The following ENOX1 variants were observed in gnomAD, a reference collection of about 807,000 sequenced individuals.
ENOX1 encodes the protein candidate growth-related and time keeping constitutive hydroquinone (NADH) oxidase.
In ENOX1, 42 loss-of-function variants were observed where a neutral mutation model predicts 82.5. That is an observed-to-expected ratio of 0.51 (90% CI 0.40 to 0.66). ENOX1 has a LOEUF of 0.66. Among genes scored for constraint, ENOX1 ranks in the 30% least tolerant of loss-of-function variants. The pLI, the probability that ENOX1 is intolerant of heterozygous loss-of-function variation, is 0.00. For missense variants in ENOX1, 608 were observed against 811.6 expected, an observed-to-expected ratio of 0.75 and a Z score of 3.05; for synonymous variants, 271 against 282.2, an observed-to-expected ratio of 0.96 and a Z score of 0.40.
At chr13:43,586,880 T>G (rs1321314595) in intron 2 of ENOX1, among the ~76,000 whole-genome samples, 1 of 148,356 alleles carries the variant, frequency 6.7e-6, no homozygotes, top group African/African-American at 2.5e-5. Context: ...CTGGACAACA[T>G]GGTGAAACCC....
At position 43,359,836 on chromosome 13, in the gene ENOX1, T is replaced by C; in HGVS notation, c.589+15A>G. ...AACAAAATGCCTAGAAAACTCCTTA[T>C]GTAATGCAAAGTACCAGAAAGGTAA... On this transcript the variant is annotated intron_variant, in intron 7 of 16. Coordinates refer to ENST00000690772, the MANE Select transcript of ENOX1 (RefSeq NM_001347969.2). 1 of 1,611,446 alleles carries C rather than the reference T, an allele frequency of 6.2e-7. No individual in the cohort carries two copies. The highest frequency in any genetic ancestry group is 8.5e-7 in the Non-Finnish European group (1 of 1,177,676).
intron 2 of ENOX1, among the ~76,000 whole-genome samples, chr13:43,663,141 A>G (rs926607013): frequency 2.6e-5 from 4 of 152,228 alleles, no homozygotes; most frequent in Admixed American, 2.6e-4. Flanking sequence ...ACAAGGGTGA[A>G]GCAGTGAGAC....
intron 1 of ENOX1, among the ~76,000 whole-genome samples, chr13:43,772,749 T>TAAAAAAAAAA (rs35359203): frequency 5.4e-5 from 6 of 112,100 alleles, no homozygotes; most frequent in Admixed American, 9.3e-5. Context: ...ACTCTGTCTT[T>TAAAAAAAAAA]AAAAAAAAAA....
chr13:43,608,265 A>G (rs2082054411), intron 2 of ENOX1, among the ~76,000 whole-genome samples: 1 of 152,162 alleles, frequency 6.6e-6, no homozygotes, highest in Non-Finnish European at 1.5e-5. Context: ...TTTAAACAAT[A>G]TGATATGACT....
chr13:43,447,546 T>C (rs1162035699), intron 3 of ENOX1, among the ~76,000 whole-genome samples: 3 of 152,026 alleles, frequency 2.0e-5, no homozygotes, highest in African/African-American at 7.2e-5. Flanking sequence ...ACTGGAATTC[T>C]CTGGACCTTT....
chr13:43,740,467 T>G (rs1409188492), intron 1 of ENOX1, among the ~76,000 whole-genome samples: 1 of 148,104 alleles, frequency 6.8e-6, no homozygotes, highest in Non-Finnish European at 1.5e-5. Flanking sequence ...CAGACAACTT[T>G]AAAACATTTT....
intron 9 of ENOX1, among the ~76,000 whole-genome samples, chr13:43,326,758 AG>A (rs963495131): frequency 2.0e-5 from 3 of 152,212 alleles, no homozygotes. Flanking sequence ...GACCGGGAGA[AG>A]GGCAAGGGCA....
intron 3 of ENOX1, among the ~76,000 whole-genome samples, chr13:43,467,698 C>T (rs2057797680): frequency 6.6e-6 from 1 of 152,036 alleles, no homozygotes; most frequent in Admixed American, 6.5e-5. Flanking sequence ...TTTTGCTGTA[C>T]ATGCTTTTGG....
chr13:43,229,466 G>A (rs2153455217), intron 15 of ENOX1, among the ~76,000 whole-genome samples: 1 of 152,306 alleles, frequency 6.6e-6, no homozygotes, highest in East Asian at 1.9e-4. Context: ...CTGGGCTGGA[G>A]AGTGGCACAT....
In ENOX1 at chr13:43,415,279, TG is replaced by T. The variant is rs2054395232; in HGVS notation, c.-74-2292del. Reference sequence around the variant, plus strand: ...TTTTTTAGTATTTATTGATCATTCTTGGGTGTTTCTCGGAGAGGGGGATGTG... The same window carrying T: ...TTTTTTAGTATTTATTGATCATTCTTGGTGTTTCTCGGAGAGGGGGATGTG... On this transcript the variant is annotated intron_variant, in intron 3 of 16. Transcript: ENST00000690772. 2.0e-5 allele frequency among the ~76,000 whole-genome samples: 3 copies of T among 147,014 alleles called. No homozygotes were observed. In the South Asian group the frequency reaches 6.8e-4, roughly 33 times the overall value.
chr13:43,580,961 T>A (rs530726490), intron 2 of ENOX1, among the ~76,000 whole-genome samples: 1 of 152,156 alleles, frequency 6.6e-6, no homozygotes. Context: ...CAGGTGGTAA[T>A]GAAAGTTAGG....
chr13:43,270,252 C>T (rs925618442), intron 12 of ENOX1, among the ~76,000 whole-genome samples: 3 of 152,092 alleles, frequency 2.0e-5, no homozygotes, highest in South Asian at 4.2e-4. Context: ...CACAGCGCTG[C>T]GCAGTGCGAA....
chr13:43,261,261 G>C (rs548207565), intron 14 of ENOX1, among the ~76,000 whole-genome samples: 4 of 152,078 alleles, frequency 2.6e-5, no homozygotes, highest in Non-Finnish European at 5.9e-5. Context: ...GACAAATGAG[G>C]AAATACAAGA....
At chr13:43,338,475 A>T (rs1307330008) in intron 9 of ENOX1, among the ~76,000 whole-genome samples, 6 of 151,598 alleles carry the variant, frequency 4.0e-5, no homozygotes, top group Admixed American at 3.3e-4. Context: ...CCTGTTCCGA[A>T]TTTTTTTTTC....
At chr13:43,698,582 CAT>C (rs774345631) in intron 1 of ENOX1, among the ~76,000 whole-genome samples, 3 of 152,034 alleles carry the variant, frequency 2.0e-5, no homozygotes, top group African/African-American at 4.8e-5. Context: ...AATTTTAACA[CAT>C]ATAAAAATTC....
chr13:43,761,431 G>C (rs752591243), intron 1 of ENOX1, among the ~76,000 whole-genome samples: 3 of 152,144 alleles, frequency 2.0e-5, no homozygotes, highest in South Asian at 2.1e-4. Flanking sequence ...GTAACTCTCA[G>C]AGCACTTTTT....
At chr13:43,281,712 T>C (rs2045395136) in intron 12 of ENOX1, among the ~76,000 whole-genome samples, 1 of 152,174 alleles carries the variant, frequency 6.6e-6, no homozygotes, top group African/African-American at 2.4e-5. Context: ...ACAAAAAAGA[T>C]GATCATTTGT....
At chr13:43,756,443 G>A (rs902574644) in intron 1 of ENOX1, among the ~76,000 whole-genome samples, 1 of 143,028 alleles carries the variant, frequency 7.0e-6, no homozygotes, top group Non-Finnish European at 1.5e-5. Context: ...AAGGAGAGAA[G>A]AGGGTTGAGG....
chr13:43,653,869 GA>G (rs1038964114), intron 2 of ENOX1, among the ~76,000 whole-genome samples: 16 of 151,234 alleles, frequency 1.1e-4, no homozygotes, highest in African/African-American at 3.6e-4. Context: ...CAATTTGACA[GA>G]AAAAAAAAGT....
Sources: gnomAD v4.1 joint callset for allele counts (sites outside exome capture counted in the v4.1 genomes callset) on GRCh38, gnomAD v4.1.1 for gene constraint, MANE v1.5 for transcripts, NCBI Gene and HGNC (gene_info 2026-07-23, HGNC 2026-07-21) for gene names.